PDXDC1: variants seen among roughly 807,000 people sequenced by gnomAD.
The protein encoded by PDXDC1 is pyridoxal dependent decarboxylase domain containing 1.
In PDXDC1, 42 loss-of-function variants were observed where a neutral mutation model predicts 100.1. That is an observed-to-expected ratio of 0.42 (90% CI 0.33 to 0.54). PDXDC1 has a LOEUF of 0.54. PDXDC1 is among the 20% of genes least tolerant of loss of function. PDXDC1 has a pLI of 0.10. For missense variants in PDXDC1, 636 were observed against 979.2 expected (o/e 0.65, Z 4.68); for synonymous variants, 260 against 371.7 (o/e 0.70, Z 3.46).
chr16:15,125,130 G>T (rs1470164804), intron 16 of PDXDC1: 3 of 416,490 alleles, frequency 7.2e-6, no homozygotes, highest in Admixed American at 4.9e-5. Context: ...CTGGGTGACA[G>T]AATGGAATGA....
At chr16:15,033,991 C>T (rs1024806302) in intron 19 of PDXDC1, 14 of 510,436 alleles carry the variant, frequency 2.7e-5, no homozygotes, top group Non-Finnish European at 4.6e-5. Context: ...GCCGAGAAGC[C>T]AGCTTCATTC....
In PDXDC1 at chr16:15,061,633, C is replaced by G; in HGVS notation, c.1399+31577C>G. 5.1e-6 allele frequency: 5 copies of G among 978,378 alleles called. No homozygotes were observed. In the South Asian group the frequency reaches 7.7e-5, roughly 15 times the overall value. 60.6% of individuals were successfully genotyped at this position (978,378 alleles called of 1,614,324 possible). A position where few individuals can be genotyped will look rare whatever the true frequency, so the allele number is the denominator to read the frequency against. ...CTGGAAGTGCCACAGCCGAGGCAGG[C>G]ACTCGCTCTAGTTCAATGCCATCAA... On this transcript the variant is annotated intron_variant, in intron 16 of 16. Transcript: ENST00000535621.
chr16:15,030,860 A>G (rs1326797249), intron 16 of PDXDC1, among the ~76,000 whole-genome samples: 1 of 152,046 alleles, frequency 6.6e-6, no homozygotes, highest in Admixed American at 6.6e-5. Flanking sequence ...CTCACTCCCC[A>G]CTGCACATTA....
In PDXDC1 at chr16:15,133,022, G is replaced by T. The variant is rs572787344; in HGVS notation, c.1400-5857G>T. On this transcript the variant is annotated intron_variant, in intron 16 of 16. Coordinates refer to the PDXDC1 transcript ENST00000535621. ...CGCAACACTGAGCTGTTTCTTCATGGGCAAAACAGGGTAAGCACATGGGCC... is the reference window on the plus strand; with the variant it reads ...CGCAACACTGAGCTGTTTCTTCATGTGCAAAACAGGGTAAGCACATGGGCC... The T allele has an allele frequency of 2.1e-4, 253 of 1,181,766 alleles. No individual in the cohort carries two copies. The African/African-American group carries it at 3.6e-3, about 17-fold the overall frequency. 73.2% of individuals were successfully genotyped at this position (1,181,766 alleles called of 1,614,324 possible).
chr16:15,109,882 G>A (rs1160292777), intron 16 of PDXDC1, among the ~76,000 whole-genome samples: 1 of 142,234 alleles, frequency 7.0e-6, no homozygotes, highest in East Asian at 2.0e-4. Flanking sequence ...GGCTGGGTGT[G>A]GTGGCTCACG....
At chr16:14,994,888 T>C (rs145364386) in intron 1 of PDXDC1, among the ~76,000 whole-genome samples, 35,023 of 143,650 alleles carry the variant, frequency 0.24, 1,174 homozygotes, top group East Asian at 0.4. Flanking sequence ...AGGTATTTTA[T>C]TCTCTTTGAA....
At chr16:15,070,281 C>T in intron 16 of PDXDC1, 1 of 1,609,094 alleles carries the variant, frequency 6.2e-7, no homozygotes, top group Non-Finnish European at 8.5e-7. Context: ...TTCAAGTCAA[C>T]TTTACACATC....
intron 16 of PDXDC1, chr16:15,136,203 G>A: frequency 1.4e-6 from 1 of 698,788 alleles, no homozygotes; most frequent in Non-Finnish European, 2.4e-6. Flanking sequence ...GCAGCCCGCT[G>A]GGAGCCCCAT....
intron 1 of PDXDC1, among the ~76,000 whole-genome samples, chr16:14,993,730 A>G (rs2151293178): frequency 6.6e-6 from 1 of 152,426 alleles, no homozygotes; most frequent in South Asian, 2.1e-4. Flanking sequence ...TGACTTCCAC[A>G]ATGGTTGAAC....
At chr16:14,998,722 T>G (rs1475662443) in intron 3 of PDXDC1, among the ~76,000 whole-genome samples, 1 of 152,296 alleles carries the variant, frequency 6.6e-6, no homozygotes, top group Non-Finnish European at 1.5e-5. Flanking sequence ...CCCAAAGTGC[T>G]GGGATTACAG....
At chr16:15,069,096 A>G (rs1252350780) in intron 16 of PDXDC1, among the ~76,000 whole-genome samples, 1 of 152,250 alleles carries the variant, frequency 6.6e-6, no homozygotes, top group African/African-American at 2.4e-5. Flanking sequence ...TGTAGGATGT[A>G]GGTAAACATA....
At chr16:15,053,125 G>T (rs1375965007) in intron 16 of PDXDC1, among the ~76,000 whole-genome samples, 1 of 152,172 alleles carries the variant, frequency 6.6e-6, no homozygotes, top group Non-Finnish European at 1.5e-5. Flanking sequence ...AATTTTAATT[G>T]ATTTTTAAGT....
intron 16 of PDXDC1, among the ~76,000 whole-genome samples, chr16:15,066,375 G>A (rs1209496414): frequency 6.6e-6 from 1 of 152,168 alleles, no homozygotes; most frequent in Non-Finnish European, 1.5e-5. Context: ...GCTCACACCT[G>A]TAATCCCAGC....
rs201277951 is a variant in PDXDC1 at position 15,058,292 on chromosome 16, C to CA, written c.1399+28246dup. Among the ~76,000 whole-genome samples, 199 of 144,622 alleles carry CA rather than the reference C, an allele frequency of 1.4e-3. 1 individual carries two copies. Among genetic ancestry groups the CA allele is most frequent in the Middle Eastern group, 3.5e-3 (1 of 282 alleles). The allele number at this position is 144,622 out of a possible 152,430, so 94.9% of individuals were successfully genotyped here. The stretch of plus-strand genomic sequence containing the variant: ...CTGGGTGATTACAGCAAGACCGTCT[C>CA]AAAAAAAAAAGAAAAAGAAAAAGAA... On this transcript the variant is annotated intron_variant, in intron 16 of 16. Transcript: ENST00000535621.
At chr16:15,140,447 CAAAAAA>C (rs888007915), downstream of PDXDC1, among the ~76,000 whole-genome samples, 2 of 39,076 alleles carry the variant, frequency 5.1e-5, no homozygotes, top group Non-Finnish European at 1.1e-4. Flanking sequence ...AGCTCCATCT[CAAAAAA>C]AAAAAAAAAA....
downstream of PDXDC1, among the ~76,000 whole-genome samples, chr16:15,043,256 G>A (rs1282885989): frequency 2.0e-5 from 3 of 151,994 alleles, no homozygotes; most frequent in Non-Finnish European, 2.9e-5. Flanking sequence ...GGCTGGTGTC[G>A]AACTCCTGAC....
chr16:15,098,114 A>C (rs2046421598), intron 16 of PDXDC1, among the ~76,000 whole-genome samples: 2 of 151,438 alleles, frequency 1.3e-5, no homozygotes, highest in African/African-American at 4.9e-5. Context: ...TATGTGTACA[A>C]GTGTTTTTCT....
downstream of PDXDC1, among the ~76,000 whole-genome samples, chr16:15,140,139 GAGA>G (rs1238547037): frequency 6.9e-6 from 1 of 145,806 alleles, no homozygotes; most frequent in Non-Finnish European, 1.5e-5. Flanking sequence ...GGAGGAGAGA[GAGA>G]AGAAAAGGAG....
intron 16 of PDXDC1, among the ~76,000 whole-genome samples, chr16:15,072,101 T>C (rs953268725): frequency 1.3e-5 from 2 of 152,082 alleles, no homozygotes; most frequent in Admixed American, 6.5e-5. Flanking sequence ...CAACTTCTCC[T>C]AAATAGCGCT....
Sources: allele counts gnomAD v4.1 joint callset (sites outside exome capture counted in the v4.1 genomes callset), GRCh38; gene constraint gnomAD v4.1.1; transcripts MANE v1.5; gene names NCBI Gene and HGNC (gene_info 2026-07-23, HGNC 2026-07-21).